VAV2: variants seen among roughly 807,000 people sequenced by gnomAD.
The protein encoded by VAV2 is guanine nucleotide exchange factor VAV2.
A neutral mutation model predicts 132.5 loss-of-function variants in VAV2; 67 were observed. The observed-to-expected ratio is 0.51, with a 90% confidence interval of 0.42 to 0.62. The LOEUF is 0.62. Among genes scored for constraint, VAV2 ranks in the 20% least tolerant of loss-of-function variants. The pLI, the probability that VAV2 is intolerant of heterozygous loss-of-function variation, is 0.00. For missense variants in VAV2, 938 were observed against 1,153.6 expected, an observed-to-expected ratio of 0.81 and a Z score of 2.71; for synonymous variants, 492 against 443.5, an observed-to-expected ratio of 1.11 and a Z score of -1.37.
chr9:133,979,646 C>T (rs1288628204), intron 1 of VAV2, among the ~76,000 whole-genome samples: 2 of 152,224 alleles, frequency 1.3e-5, no homozygotes, highest in African/African-American at 2.4e-5. Context: ...GGCCCGGCCC[C>T]GCCTCCGGCC....
chr9:133,926,186 A>T lies in VAV2; in HGVS notation c.321+12917T>A, dbSNP rs1840475422. The T allele has an allele frequency of 6.6e-6, 1 of 152,420 alleles. No homozygotes were observed. The highest frequency in any genetic ancestry group is 1.5e-5 in the Non-Finnish European group (1 of 68,248). The allele number at this position is 152,420 out of a possible 1,614,324, so 9.4% of individuals were successfully genotyped here. A position where few individuals can be genotyped will look rare whatever the true frequency, so the allele number is the denominator to read the frequency against. ...TTCCCAGATGGGGAAACTGAGGCCC[A>T]GGGAGTAGAGCAGTGACCAGTCCAC... On this transcript the variant is annotated intron_variant, in intron 2 of 29. Transcript: ENST00000371850. This position sits in a 1 kb window ranked among gnomAD's most constrained non-coding sequence, Gnocchi z 4.3.
At chr9:133,931,978 C>T (rs1346101859) in intron 2 of VAV2, among the ~76,000 whole-genome samples, 1 of 152,202 alleles carries the variant, frequency 6.6e-6, no homozygotes, top group Non-Finnish European at 1.5e-5. Context: ...GGGTGCCTTC[C>T]TTCCCTCCCG....
chr9:133,767,442 A>C (rs548664043), intron 29 of VAV2, among the ~76,000 whole-genome samples: 2 of 152,352 alleles, frequency 1.3e-5, no homozygotes, highest in South Asian at 4.1e-4. Context: ...AGTTGTTCTA[A>C]AACTTAATGC....
At chr9:133,937,459 G>A (rs1030618215) in intron 2 of VAV2, among the ~76,000 whole-genome samples, 1 of 112,764 alleles carries the variant, frequency 8.9e-6, no homozygotes, top group Non-Finnish European at 2.3e-5. Context: ...GTGTGTCTGA[G>A]TGTGAGTGTG....
rs1214404237 is a variant in VAV2, at chr9:133,804,203, G to A, written c.836+1878C>T. On this transcript the variant is annotated intron_variant, in intron 9 of 29. Transcript: ENST00000371850. The surrounding 1 kb of genome is among the most constrained non-coding windows in gnomAD (Gnocchi z 4.5). ...CCTTGGGGCCGAATCCGAAATGAGA[G>A]GAAAGGGGCAAAAAAGCTGGATGCT... Among the ~76,000 whole-genome samples the A allele has an allele frequency of 6.6e-6, 1 of 152,228 alleles. No homozygotes were observed. The highest frequency in any genetic ancestry group is 2.4e-5 in the African/African-American group (1 of 41,464).
intron 3 of VAV2, among the ~76,000 whole-genome samples, chr9:133,860,865 G>A (rs1006396899): frequency 2.0e-5 from 3 of 152,140 alleles, no homozygotes; most frequent in African/African-American, 7.2e-5. Flanking sequence ...GATCACAGGG[G>A]TCATGGGACC....
intron 1 of VAV2, among the ~76,000 whole-genome samples, chr9:133,964,042 TATATATACATATATATACATATATATAA>T (rs1450793653): frequency 0.017 from 1,715 of 99,306 alleles, 107 homozygotes; most frequent in African/African-American, 0.049. Context: ...TATATATATA[TATATATACATATATATACATATATATAA>T]ATGAATAGGC....
rs764213656 is a variant in VAV2 at position 133,785,875 on chromosome 9, C to A, written c.1433G>T (p.Gly478Val). ...TCCTTGAAGGTGAATTAGGTAGAAG[C>A]CGTAGGACCACTGCAGGGGGGAGAG... is the stretch of plus-strand genomic sequence containing the variant. ...KKSHGKMWSY[G>V]FYLIHLQGKQ... Residue 478 changes from glycine (G) to valine (V), a missense_variant, in exon 17 of 30, where the codon GGC becomes GTC. Gly to Val is a moderately radical substitution (Grantham distance 109). Transcript: ENST00000371850. The A allele has an allele frequency of 1.2e-6, 2 of 1,613,474 alleles. No homozygotes were observed. The highest frequency in any genetic ancestry group is 3.3e-5 in the Admixed American group (2 of 59,960).
At position 133,788,841 on chromosome 9, in the gene VAV2, C is replaced by T. The variant is rs981351727; in HGVS notation, c.1275-355G>A. Among the ~76,000 whole-genome samples, 7 of 152,236 alleles carry T rather than the reference C, an allele frequency of 4.6e-5. No individual in the cohort carries two copies. The highest frequency in any genetic ancestry group is 1.7e-4 in the African/African-American group (7 of 41,472). ...AGCCTCAAGAGGGTGGGACCCAGAT[C>T]TGCTGTGACCCCTGCCCCAGCACAC... On this transcript the variant is annotated intron_variant, in intron 14 of 29. Coordinates refer to ENST00000371850, the MANE Select transcript of VAV2 (RefSeq NM_001134398.2). The surrounding 1 kb of genome is among the most constrained non-coding windows in gnomAD (Gnocchi z 5.3).
At chr9:133,841,008 G>C (rs930924333) in intron 3 of VAV2, among the ~76,000 whole-genome samples, 1 of 152,136 alleles carries the variant, frequency 6.6e-6, no homozygotes, top group Non-Finnish European at 1.5e-5. Context: ...TGCTTTCTTG[G>C]AGGGCCCTGA....
At chr9:133,985,734 G>A (rs563589542) in intron 1 of VAV2, among the ~76,000 whole-genome samples, 54 of 152,290 alleles carry the variant, frequency 3.5e-4, no homozygotes, top group Non-Finnish European at 7.2e-4. Context: ...AGTCAGGCAC[G>A]GTATTCACAT....
At chr9:133,807,620 T>C (rs902265401) in intron 7 of VAV2, among the ~76,000 whole-genome samples, 6 of 152,150 alleles carry the variant, frequency 3.9e-5, no homozygotes, top group South Asian at 2.1e-4. Context: ...GAGGTGGGCG[T>C]TGGGGTTGTG....
chr9:133,779,591 C>A (rs985592711), intron 21 of VAV2, among the ~76,000 whole-genome samples: 3 of 152,222 alleles, frequency 2.0e-5, no homozygotes, highest in African/African-American at 7.2e-5. Flanking sequence ...GGATGGAGAA[C>A]GTGGTGGGAG....
At chr9:133,853,976 G>C (rs545668914) in intron 3 of VAV2, among the ~76,000 whole-genome samples, 1 of 152,264 alleles carries the variant, frequency 6.6e-6, no homozygotes, top group South Asian at 2.1e-4. Flanking sequence ...GGAGCTCCCA[G>C]TGCAGAGATG....
chr9:133,938,089 G>C (rs962624539), intron 2 of VAV2, among the ~76,000 whole-genome samples: 3 of 152,180 alleles, frequency 2.0e-5, no homozygotes, highest in Admixed American at 6.5e-5. Flanking sequence ...TTCCCTCTGC[G>C]CCTCACAAAT....
In VAV2 at chr9:133,820,293, G is replaced by T. The variant is rs117684277; in HGVS notation, c.450-8077C>A. Among the ~76,000 whole-genome samples the T allele has an allele frequency of 5.4e-3, 820 of 152,166 alleles. 11 individuals carry two copies. Among genetic ancestry groups the T allele is most frequent in the Non-Finnish European group, 7.6e-3 (519 of 67,994 alleles). On this transcript the variant is annotated intron_variant, in intron 4 of 29. Coordinates refer to ENST00000371850, the MANE Select transcript of VAV2 (RefSeq NM_001134398.2). ...CACTGCTACCTGGCTTCTTGGCAAA[G>T]ATGCCATCTCCATAAACAAGTTTCT...
chr9:133,846,838 G>C (rs750321657), intron 3 of VAV2, among the ~76,000 whole-genome samples: 11 of 152,272 alleles, frequency 7.2e-5, no homozygotes, highest in Non-Finnish European at 1.6e-4. Context: ...ATGAGAGGGA[G>C]CGACTTGTCC....
intron 1 of VAV2, among the ~76,000 whole-genome samples, chr9:133,973,125 C>T (rs1053820635): frequency 2.0e-5 from 3 of 151,934 alleles, no homozygotes; most frequent in South Asian, 2.1e-4. Flanking sequence ...CCCAGTGCCA[C>T]GGAGGGCCCA....
intron 2 of VAV2, among the ~76,000 whole-genome samples, chr9:133,905,896 C>T (rs2011725): frequency 0.47 from 70,877 of 151,588 alleles, 16,796 homozygotes; most frequent in East Asian, 0.64. Flanking sequence ...AGAAATTAGC[C>T]GGGCGTGGTG....
Sources: allele counts gnomAD v4.1 joint callset (sites outside exome capture counted in the v4.1 genomes callset), GRCh38; gene constraint gnomAD v4.1.1; non-coding constraint Gnocchi (gnomAD v3.1); transcripts MANE v1.5; gene names NCBI Gene and HGNC (gene_info 2026-07-23, HGNC 2026-07-21).